The following SETX variants were observed in gnomAD, a reference collection of about 807,000 sequenced individuals.
SETX encodes the protein senataxin.
SETX carries 90 observed loss-of-function variants against 227.2 expected under a neutral mutation model. The observed-to-expected ratio is 0.40, with a 90% confidence interval of 0.33 to 0.47. The LOEUF (loss-of-function observed/expected upper bound fraction) is 0.47. SETX is among the 20% of genes least tolerant of loss of function. SETX has a pLI of 0.91. For synonymous variants in SETX, 1,210 were observed against 1,113.2 expected, an observed-to-expected ratio of 1.09 and a Z score of -1.73; for missense variants, 3,052 against 3,181.5, an observed-to-expected ratio of 0.96 and a Z score of 0.98.
chr9:132,298,649 T>C (rs751199168), intron 12 of SETX, among the ~76,000 whole-genome samples: 5 of 151,986 alleles, frequency 3.3e-5, no homozygotes, highest in Non-Finnish European at 7.4e-5. Flanking sequence ...AGACTTGAAG[T>C]AAGGGAGTAA....
Position 132,327,573 on chromosome 9 carries a change from A to G in SETX, c.4025T>C (p.Leu1342Pro). 6.2e-7 allele frequency: 1 copy of G among 1,614,106 alleles called. No individual in the cohort carries two copies. The highest frequency in any genetic ancestry group is 8.5e-7 in the Non-Finnish European group (1 of 1,180,032). The change falls in exon 10 of 26, where the codon CTT (leucine) becomes CCT (proline). Residue 1342 changes from leucine to proline, a missense_variant. Physicochemically the swap from Leu to Pro is moderately conservative, Grantham distance 98 (BLOSUM62 -3). Transcript: ENST00000224140. Reference sequence around the variant, plus strand: ...CATCTGAAGTTCTTGACTAGTCAGAAGTTTCTTATTATTTCTGACAGACAG... The same window carrying G: ...CATCTGAAGTTCTTGACTAGTCAGAGGTTTCTTATTATTTCTGACAGACAG... Reference protein sequence around the residue: ...QNLSVRNNKKLLTSQELQMQR... With the variant: ...QNLSVRNNKKPLTSQELQMQR...
chr9:132,334,274 C>T (rs565698024), intron 7 of SETX, among the ~76,000 whole-genome samples: 22 of 152,220 alleles, frequency 1.4e-4, no homozygotes, highest in African/African-American at 3.1e-4. Flanking sequence ...GGTGAAACCC[C>T]GTCTCTACTA....
At chr9:132,317,693 G>A (rs1334941800) in intron 10 of SETX, among the ~76,000 whole-genome samples, 1 of 151,646 alleles carries the variant, frequency 6.6e-6, no homozygotes, top group Non-Finnish European at 1.5e-5. Flanking sequence ...AAGCTCCCAG[G>A]CTCAAACGAT....
chr9:132,346,505 G>C (rs1358462151), intron 3 of SETX, 34 bp from the exon 4 acceptor site: 6 of 1,452,808 alleles, frequency 4.1e-6, no homozygotes, highest in Non-Finnish European at 5.7e-6. Flanking sequence ...TGTGCGTTAT[G>C]TCTTATCATC....
At chr9:132,277,006 A>T in intron 22 of SETX, 54 bp downstream of exon 22, 1 of 1,432,146 alleles carries the variant, frequency 7.0e-7, no homozygotes, top group Non-Finnish European at 9.9e-7. Flanking sequence ...TATGAATGCA[A>T]ATCATGTAAC....
chr9:132,305,829 A>G (rs955557205), intron 11 of SETX, among the ~76,000 whole-genome samples: 5 of 152,234 alleles, frequency 3.3e-5, no homozygotes, highest in Non-Finnish European at 5.9e-5. Context: ...CTGGAGCAGA[A>G]AACAGACATT....
At chr9:132,283,072 G>T in intron 19 of SETX, 192 bp downstream of exon 19, 2 of 697,552 alleles carry the variant, frequency 2.9e-6, no homozygotes, top group South Asian at 1.8e-5. Context: ...CCCCAATACT[G>T]GAAAATCCAC....
intron 20 of SETX, among the ~76,000 whole-genome samples, chr9:132,279,193 G>A (rs972337581): frequency 2.0e-5 from 3 of 152,156 alleles, no homozygotes; most frequent in Non-Finnish European, 2.9e-5. Context: ...AGTGACAAGT[G>A]GGATAAACTG....
chr9:132,269,793 C>T (rs1589607056), intron 24 of SETX, 91 bp from the exon 25 acceptor site: 4 of 1,280,900 alleles, frequency 3.1e-6, no homozygotes, highest in South Asian at 1.2e-5. Context: ...ACTCAACGTG[C>T]CCGTGTCTGA....
At chr9:132,272,187 A>G (rs996287565) in intron 23 of SETX, among the ~76,000 whole-genome samples, 3 of 151,626 alleles carry the variant, frequency 2.0e-5, no homozygotes, top group Non-Finnish European at 2.9e-5. Context: ...TTGGTTTTTG[A>G]CAGTCTAGCC....
chr9:132,340,804 G>T (rs1203921526), intron 5 of SETX, among the ~76,000 whole-genome samples: 1 of 152,202 alleles, frequency 6.6e-6, no homozygotes, highest in Non-Finnish European at 1.5e-5. Flanking sequence ...GTTGAGAACA[G>T]ATTTGGATGC....
At chr9:132,290,839 CATAAATAAATAA>C (rs111551397) in intron 15 of SETX, among the ~76,000 whole-genome samples, 2 of 151,334 alleles carry the variant, frequency 1.3e-5, no homozygotes, top group African/African-American at 2.4e-5. Context: ...AGACCAGTTT[CATAAATAAATAA>C]ATAAATAAAT....
chr9:132,328,536 T>A lies in SETX; in HGVS notation c.3062A>T (p.Asp1021Val), dbSNP rs769614262. 1 of 1,614,074 alleles carries A rather than the reference T, an allele frequency of 6.2e-7. No homozygotes were observed. Among genetic ancestry groups the A allele is most frequent in the Admixed American group, 1.7e-5 (1 of 60,030 alleles). The change falls in exon 10 of 26, where the codon GAT (aspartate) becomes GTT (valine). Residue 1021 changes from aspartate (D) to valine (V), a missense_variant. Asp to Val is a radical substitution (Grantham distance 152). This residue lies in a region of SETX where 1,483 missense variants were observed against 1,312.0 expected (regional missense o/e 1.13). Transcript: ENST00000224140. ...GQVIIISDSD[D>V]DDDERILSLE... ...ACTCAGGATTCTTTCATCATCATCA[T>A]CATCAGAATCTGAAATAATAATAAC...
intron 11 of SETX, among the ~76,000 whole-genome samples, chr9:132,302,965 C>T (rs183571183): frequency 1.4e-4 from 22 of 152,162 alleles, no homozygotes; most frequent in Admixed American, 9.8e-4. Flanking sequence ...ATGAGAAAGG[C>T]TACATTTTTT....
At position 132,337,131 on chromosome 9, in the gene SETX, T is replaced by C. The variant is rs75116873; in HGVS notation, c.499-616A>G. Among the ~76,000 whole-genome samples, 486 of 152,052 alleles carry C rather than the reference T, an allele frequency of 3.2e-3. 8 individuals are homozygous for C. In the East Asian group the frequency reaches 0.05, roughly 16 times the overall value. Reference sequence around the variant, plus strand: ...GTCTTTATCTTTTAGAAATACATACTGAAATATTTTGTGGATGAAATGCTC... The same window carrying C: ...GTCTTTATCTTTTAGAAATACATACCGAAATATTTTGTGGATGAAATGCTC... On this transcript the variant is annotated intron_variant, in intron 5 of 25. Coordinates refer to ENST00000224140, the MANE Select transcript of SETX (RefSeq NM_015046.7).
At chr9:132,309,861 C>T (rs1194962507) in intron 11 of SETX, among the ~76,000 whole-genome samples, 1 of 152,088 alleles carries the variant, frequency 6.6e-6, no homozygotes, top group African/African-American at 2.4e-5. Flanking sequence ...ATGTAATTTG[C>T]AACCTGTAGC....
intron 15 of SETX, among the ~76,000 whole-genome samples, chr9:132,295,313 C>T (rs1185442173): frequency 1.3e-5 from 2 of 152,218 alleles, no homozygotes; most frequent in Admixed American, 6.5e-5. Context: ...GAATTACTGA[C>T]ACACAGTCAA....
intron 11 of SETX, among the ~76,000 whole-genome samples, 164 bp downstream of exon 11, chr9:132,311,593 G>A (rs1040333475): frequency 6.6e-6 from 1 of 152,010 alleles, no homozygotes; most frequent in Non-Finnish European, 1.5e-5. Flanking sequence ...ATTCATAATT[G>A]TTCCAGTAAC....
chr9:132,349,096 T>C (rs543424414), intron 3 of SETX, among the ~76,000 whole-genome samples, 156 bp downstream of exon 3: 6 of 150,830 alleles, frequency 4.0e-5, no homozygotes, highest in Admixed American at 6.6e-5. Context: ...TGAGACTCCA[T>C]CTCTAACAAC....
Sources: allele counts gnomAD v4.1 joint callset (sites outside exome capture counted in the v4.1 genomes callset), GRCh38; gene constraint gnomAD v4.1.1; regional missense constraint gnomAD v4.1.1; transcripts MANE v1.5; gene names NCBI Gene and HGNC (gene_info 2026-07-23, HGNC 2026-07-21).